Variants in SLC16A12 observed in about 807,000 individuals in gnomAD.
SLC16A12 encodes the protein solute carrier family 16 member 12, also known as monocarboxylate transporter 12.
In SLC16A12, 17 loss-of-function variants were observed where a neutral mutation model predicts 42.4. The observed-to-expected ratio is 0.40, with a 90% CI of 0.27 to 0.60. SLC16A12 has a LOEUF of 0.60. Ranked by LOEUF, SLC16A12 falls within the 20% of genes least tolerant of loss-of-function variation. The probability of loss-of-function intolerance (pLI) is 0.42; values close to 1 mark genes in which losing one functional copy is unlikely to be tolerated. For missense variants in SLC16A12, 544 were observed against 623.0 expected (o/e 0.87, Z 1.35); for synonymous variants, 224 against 229.4 (o/e 0.98, Z 0.21).
At chr10:89,473,170 T>C (rs748465592) in intron 2 of SLC16A12, among the ~76,000 whole-genome samples, 4 of 151,858 alleles carry the variant, frequency 2.6e-5, no homozygotes, top group Non-Finnish European at 5.9e-5. Flanking sequence ...GATTCTAAAA[T>C]CTATATGGAA....
At chr10:89,433,688 CAT>C (rs2133674301) in intron 7 of SLC16A12, among the ~76,000 whole-genome samples, 2 of 152,266 alleles carry the variant, frequency 1.3e-5, no homozygotes, top group African/African-American at 4.8e-5. Flanking sequence ...GTTAAGAGAA[CAT>C]ATTTGTACAA....
At chr10:89,499,244 T>G (rs1197723037) in intron 2 of SLC16A12, among the ~76,000 whole-genome samples, 1 of 152,150 alleles carries the variant, frequency 6.6e-6, no homozygotes, top group Non-Finnish European at 1.5e-5. Context: ...ATCAATGAAA[T>G]AAATATTTTT....
At chr10:89,503,134 C>G (rs1169960990) in intron 2 of SLC16A12, among the ~76,000 whole-genome samples, 1 of 152,190 alleles carries the variant, frequency 6.6e-6, no homozygotes, top group Non-Finnish European at 1.5e-5. Context: ...CTTTGCATAA[C>G]AAATCTTAGT....
At chr10:89,459,393 ATGTGTATGTTTGTGTGTGTGTAG>A (rs578125800) in intron 3 of SLC16A12, among the ~76,000 whole-genome samples, 2 of 151,590 alleles carry the variant, frequency 1.3e-5, no homozygotes, top group African/African-American at 2.4e-5. Flanking sequence ...TTGTGTGTGT[ATGTGTATGTTTGTGTGTGTGTAG>A]TGTGTATGCA....
intron 2 of SLC16A12, among the ~76,000 whole-genome samples, chr10:89,464,848 C>T (rs1480776748): frequency 1.3e-5 from 2 of 152,162 alleles, no homozygotes; most frequent in East Asian, 3.8e-4. Context: ...CTCAGGTCTT[C>T]ATCTTCATGC....
intron 2 of SLC16A12, among the ~76,000 whole-genome samples, chr10:89,500,181 A>G (rs190967197): frequency 2.6e-5 from 4 of 152,324 alleles, no homozygotes; most frequent in Non-Finnish European, 5.9e-5. Flanking sequence ...CCAGGACCAG[A>G]GGGATTCACA....
At chr10:89,504,754 G>C (rs577750364) in intron 2 of SLC16A12, among the ~76,000 whole-genome samples, 1 of 152,306 alleles carries the variant, frequency 6.6e-6, no homozygotes, top group Admixed American at 6.5e-5. Context: ...CAAGATGGGG[G>C]AGGAAGGTGG....
At chr10:89,511,113 C>T (rs569269137) in intron 2 of SLC16A12, among the ~76,000 whole-genome samples, 31 of 152,254 alleles carry the variant, frequency 2.0e-4, no homozygotes, top group African/African-American at 6.5e-4. Flanking sequence ...GAAATAGAAA[C>T]GCTTTTACAC....
intron 4 of SLC16A12, among the ~76,000 whole-genome samples, chr10:89,443,022 G>A (rs1336434374): frequency 6.6e-6 from 1 of 152,152 alleles, no homozygotes; most frequent in African/African-American, 2.4e-5. Flanking sequence ...TTAATAACGT[G>A]AGTTTGAAAT....
At chr10:89,474,872 C>G (rs928561668) in intron 2 of SLC16A12, among the ~76,000 whole-genome samples, 2 of 152,194 alleles carry the variant, frequency 1.3e-5, no homozygotes, top group Non-Finnish European at 2.9e-5. Flanking sequence ...AAGGAATGCT[C>G]TATCCAAGAT....
At chr10:89,482,194 C>T (rs303197) in intron 2 of SLC16A12, among the ~76,000 whole-genome samples, 34,131 of 129,746 alleles carry the variant, frequency 0.26, 4,639 homozygotes, top group Non-Finnish European at 0.34. Flanking sequence ...TCAAATAGTA[C>T]AAATTCAGTT....
At chr10:89,542,450 GCAC>G (rs760722878) in intron 2 of SLC16A12, among the ~76,000 whole-genome samples, 1 of 151,788 alleles carries the variant, frequency 6.6e-6, no homozygotes, top group Non-Finnish European at 1.5e-5. Context: ...CTACAGGCAT[GCAC>G]CACCACGTCT....
chr10:89,452,771 G>A (rs75368718), intron 3 of SLC16A12, among the ~76,000 whole-genome samples: 1 of 152,222 alleles, frequency 6.6e-6, no homozygotes, highest in African/African-American at 2.4e-5. Context: ...GCAGGATTAG[G>A]CAGAGAGGTC....
intron 2 of SLC16A12, among the ~76,000 whole-genome samples, chr10:89,529,136 G>C (rs1272141039): frequency 6.6e-6 from 1 of 151,896 alleles, no homozygotes; most frequent in East Asian, 1.9e-4. Flanking sequence ...TATTTTTTTG[G>C]TGGTTCCTTC....
intron 2 of SLC16A12, among the ~76,000 whole-genome samples, chr10:89,551,611 G>A (rs888078330): frequency 9.9e-5 from 15 of 152,162 alleles, no homozygotes; most frequent in African/African-American, 3.1e-4. Context: ...TGTTGTGGGA[G>A]GACCCAGTGG....
intron 2 of SLC16A12, among the ~76,000 whole-genome samples, chr10:89,547,382 T>C (rs1843747958): frequency 6.6e-6 from 1 of 152,210 alleles, no homozygotes; most frequent in Non-Finnish European, 1.5e-5. Context: ...AATGACTAAA[T>C]TGCAAACTGA....
At chr10:89,455,399 GAATCAAACTTTAGAT>G (rs1258697685) in intron 3 of SLC16A12, among the ~76,000 whole-genome samples, 1 of 152,082 alleles carries the variant, frequency 6.6e-6, no homozygotes. Context: ...TCAGTCATAT[GAATCAAACTTTAGAT>G]ATACAGAAAT....
intron 2 of SLC16A12, among the ~76,000 whole-genome samples, chr10:89,463,699 G>C (rs187010465): frequency 1.3e-5 from 2 of 152,102 alleles, no homozygotes; most frequent in Admixed American, 6.5e-5. Context: ...TAAGCCACAG[G>C]CTTGGGGAAA....
intron 2 of SLC16A12, among the ~76,000 whole-genome samples, chr10:89,544,074 C>A (rs1332899185): frequency 1.3e-5 from 2 of 152,188 alleles, no homozygotes; most frequent in Non-Finnish European, 2.9e-5. Context: ...CTCTGTTGCT[C>A]TTCCTCTGGG....
Sources: gnomAD v4.1 joint callset for allele counts (sites outside exome capture counted in the v4.1 genomes callset) on GRCh38, gnomAD v4.1.1 for gene constraint, MANE v1.5 for transcripts, NCBI Gene and HGNC (gene_info 2026-07-23, HGNC 2026-07-21) for gene names.